AP4M1: variants seen among roughly 807,000 people sequenced by gnomAD.
AP4M1 encodes the protein AP-4 complex subunit mu-1.
In AP4M1, 58 loss-of-function variants were observed where a neutral mutation model predicts 62.4. That is an observed-to-expected ratio of 0.93 (90% CI 0.75 to 1.16). AP4M1 has a LOEUF of 1.16. Among genes scored for constraint, AP4M1 ranks in the 50% most tolerant of loss-of-function variants. AP4M1 has a pLI of 0.00. For synonymous variants in AP4M1, 290 were observed against 239.7 expected (o/e 1.21, Z -1.94); for missense variants, 626 against 585.4 (o/e 1.07, Z -0.72).
At chr7:100,100,878 T>G, upstream of AP4M1, 2 of 1,047,470 alleles carry the variant, frequency 1.9e-6, no homozygotes, top group Non-Finnish European at 1.2e-6. Context: ...TACGCGCGCC[T>G]GGGGAGGGCG....
chr7:100,108,216 T>C lies in AP4M1; in HGVS notation c.*1334T>C. The C allele has an allele frequency of 6.8e-7, 1 of 1,462,880 alleles. No homozygotes were observed. The highest frequency in any genetic ancestry group is 9.1e-7 in the Non-Finnish European group (1 of 1,097,522). 90.6% of individuals were successfully genotyped at this position (1,462,880 alleles called of 1,614,324 possible). A position where few individuals can be genotyped will look rare whatever the true frequency, so the allele number is the denominator to read the frequency against. On this transcript the variant is annotated 3_prime_UTR_variant, in exon 15 of 15. Coordinates refer to ENST00000359593, the MANE Select transcript of AP4M1 (RefSeq NM_004722.4). ...CTGGGCTCCCCTCGCTCTTCCTCAG[T>C]GGCTCTCACTAGGGCTGGGGCATCC...
Position 100,107,318 on chromosome 7 carries a change from G to A in AP4M1, c.*436G>A, listed in dbSNP as rs1796619915. 3.3e-6 allele frequency: 5 copies of A among 1,534,712 alleles called. No individual in the cohort carries two copies. In the South Asian group the frequency reaches 6.4e-5, roughly 20 times the overall value. On this transcript the variant is annotated 3_prime_UTR_variant, in exon 15 of 15. Coordinates refer to ENST00000359593, the MANE Select transcript of AP4M1 (RefSeq NM_004722.4). Reference sequence around the variant, plus strand: ...CTTTTGGAGTCCCTGGAGCTGGAGGGGGACTGTCCCCAGCCTCCTGCTTCC... The same window carrying A: ...CTTTTGGAGTCCCTGGAGCTGGAGGAGGACTGTCCCCAGCCTCCTGCTTCC...
chr7:100,101,195 C>G (rs546749583), upstream of AP4M1: 2 of 1,591,084 alleles, frequency 1.3e-6, no homozygotes, highest in Non-Finnish European at 1.7e-6. Context: ...AAGACCCCAG[C>G]TCACACCAAC....
chr7:100,107,076 C>T lies in AP4M1; in HGVS notation c.*194C>T. On this transcript the variant is annotated 3_prime_UTR_variant, in exon 15 of 15. Transcript: ENST00000359593. ...CAGGAAGGACTGCAGTGGATCAGAA[C>T]TTACAAACCAAACTTTTATTCTGAG... The T allele has an allele frequency of 3.9e-6, 5 of 1,265,918 alleles. No homozygotes were observed. Among genetic ancestry groups the T allele is most frequent in the Non-Finnish European group, 4.3e-6 (4 of 924,062 alleles). The allele number at this position is 1,265,918 out of a possible 1,614,324, so 78.4% of individuals were successfully genotyped here. A position where few individuals can be genotyped will look rare whatever the true frequency, so the allele number is the denominator to read the frequency against.
At chr7:100,104,264 TC>T in intron 7 of AP4M1, 110 bp downstream of exon 7, 1 of 961,362 alleles carries the variant, frequency 1.0e-6, no homozygotes, top group Non-Finnish European at 1.7e-6. Flanking sequence ...ATGCTTGTAA[TC>T]CCAGTGCTTT....
At position 100,108,599 on chromosome 7, in the gene AP4M1, G is replaced by A. The variant is rs1796829850; in HGVS notation, c.*1717G>A. On this transcript the variant is annotated 3_prime_UTR_variant, in exon 15 of 15. Transcript: ENST00000359593. The stretch of plus-strand genomic sequence containing the variant: ...GGCTGGGGAAAAAAGCCAGGTAGAG[G>A]GAGGGCTGGTGACACTCTTGAGAAG... 6.5e-7 allele frequency: 1 copy of A among 1,538,102 alleles called. No homozygotes were observed.
chr7:100,106,335 T>G (rs2293479), intron 13 of AP4M1, 44 bp downstream of exon 13: 7 of 1,612,310 alleles, frequency 4.3e-6, no homozygotes, highest in Non-Finnish European at 5.1e-6. Flanking sequence ...GGGGAGAGAG[T>G]GAGCTCAGCA....
chr7:100,103,336 A>G (rs1045227686), intron 4 of AP4M1, 73 bp from the exon 5 acceptor site: 126 of 1,297,896 alleles, frequency 9.7e-5, no homozygotes, highest in Non-Finnish European at 1.3e-4. Context: ...GTGAGTCACC[A>G]TGCCTGGCCC....
At chr7:100,105,741 G>A (rs543601342) in intron 11 of AP4M1, among the ~76,000 whole-genome samples, 12 of 151,564 alleles carry the variant, frequency 7.9e-5, no homozygotes, top group African/African-American at 2.7e-4. Flanking sequence ...GAGCCCAGGA[G>A]TTCCAGACCA....
chr7:100,104,415 T>G (rs781008134), intron 7 of AP4M1, among the ~76,000 whole-genome samples: 4 of 152,002 alleles, frequency 2.6e-5, no homozygotes, highest in Non-Finnish European at 5.9e-5. Context: ...TCCCAGCTAC[T>G]TGGGAGGCTG....
rs1474113344 is a variant in AP4M1, at chr7:100,107,033, TTTCTGTGGTATC to T, written c.*153_*164del. 6.1e-5 allele frequency: 75 copies of T among 1,219,572 alleles called. No homozygotes were observed. Among genetic ancestry groups the T allele is most frequent in the Non-Finnish European group, 8.1e-5 (70 of 861,152 alleles). 75.5% of individuals were successfully genotyped at this position (1,219,572 alleles called of 1,614,324 possible). On this transcript the variant is annotated 3_prime_UTR_variant, in exon 15 of 15. Transcript: ENST00000359593. ...CCAGGAGGGGGCAATGGGCCCAGCC[TTTCTGTGGTATC>T]TGATGCAGGAAGGACTGCAGTGGAT...
At chr7:100,105,218 G>GTC (rs748639289) in intron 9 of AP4M1, 22 bp from the exon 10 acceptor site, 35 of 1,593,992 alleles carry the variant, frequency 2.2e-5, no homozygotes, top group Admixed American at 6.7e-5. Flanking sequence ...CAGGAGAGAA[G>GTC]TCTCTCTCTC....
Position 100,106,528 on chromosome 7 carries a change from AC to A in AP4M1, c.1137+19del, listed in dbSNP as rs1796501435. ...GGCCTTTTCCAGGTATTCGCTGTGGACCCCCAGCCCCTCTCCTCCCACATTC... is the reference window on the plus strand; with the variant it reads ...GGCCTTTTCCAGGTATTCGCTGTGGACCCCAGCCCCTCTCCTCCCACATTC... On this transcript the variant is annotated intron_variant, in intron 14 of 14. Coordinates refer to ENST00000359593, the MANE Select transcript of AP4M1 (RefSeq NM_004722.4). 3 of 1,605,238 alleles carry A rather than the reference AC, an allele frequency of 1.9e-6. No homozygotes were observed. The highest frequency in any genetic ancestry group is 2.6e-6 in the Non-Finnish European group (3 of 1,174,234).
In AP4M1 at chr7:100,102,003, T is replaced by A. The variant is rs2293481; in HGVS notation, c.147+35T>A. ...GGCGGGAGGCGGGTGAGGAGCGGGG[T>A]CCCGTCGGGCCGGGTGGGCGCCAGC... On this transcript the variant is annotated intron_variant, in intron 2 of 14. Coordinates refer to ENST00000359593, the MANE Select transcript of AP4M1 (RefSeq NM_004722.4). 3 of 1,609,988 alleles carry A rather than the reference T, an allele frequency of 1.9e-6. No individual in the cohort carries two copies. In the South Asian group the frequency reaches 3.3e-5, roughly 18 times the overall value.
intron 6 of AP4M1, 81 bp downstream of exon 6, chr7:100,103,773 G>A (rs1015985617): frequency 8.8e-6 from 13 of 1,476,084 alleles, no homozygotes; most frequent in Middle Eastern, 2.4e-4. Flanking sequence ...CGGGCACAGC[G>A]GCTCACGCCT....
At position 100,102,038 on chromosome 7, in the gene AP4M1, G is replaced by A. The variant is rs533428194; in HGVS notation, c.147+70G>A. On this transcript the variant is annotated intron_variant, in intron 2 of 14. Transcript: ENST00000359593. ...CCGGGTGGGCGCCAGCTCCCTCCCA[G>A]GACTGGTTCATTGGTAGATTCCACT... 52 of 1,546,832 alleles carry A rather than the reference G, an allele frequency of 3.4e-5. No individual in the cohort carries two copies. In the East Asian group the frequency reaches 1.0e-3, roughly 31 times the overall value.
chr7:100,107,840 G>A lies in AP4M1; in HGVS notation c.*958G>A, dbSNP rs1313869473. 1.7e-5 allele frequency: 26 copies of A among 1,487,516 alleles called. No individual in the cohort carries two copies. The highest frequency in any genetic ancestry group is 4.6e-5 in the East Asian group (2 of 43,446). 92.1% of individuals were successfully genotyped at this position (1,487,516 alleles called of 1,614,324 possible). On this transcript the variant is annotated 3_prime_UTR_variant, in exon 15 of 15. Coordinates refer to ENST00000359593, the MANE Select transcript of AP4M1 (RefSeq NM_004722.4). Reference sequence around the variant, plus strand: ...AGCTCTTGACTTGGGGCCCAGAGGGGACTGTGCTCTACTCCTGGGCCTCCC... The same window carrying A: ...AGCTCTTGACTTGGGGCCCAGAGGGAACTGTGCTCTACTCCTGGGCCTCCC...
chr7:100,104,165 G>A lies in AP4M1; in HGVS notation c.606+11G>A, dbSNP rs1365156956. ...CTGATAGCATCTAATGTAAGTTTGAGCTCCCAAACCTGGAGCTGAGGACAG... is the reference window on the plus strand; with the variant it reads ...CTGATAGCATCTAATGTAAGTTTGAACTCCCAAACCTGGAGCTGAGGACAG... On this transcript the variant is annotated intron_variant, in intron 7 of 14. Coordinates refer to ENST00000359593, the MANE Select transcript of AP4M1 (RefSeq NM_004722.4). The A allele has an allele frequency of 6.2e-6, 10 of 1,613,198 alleles. No homozygotes were observed. Among genetic ancestry groups the A allele is most frequent in the East Asian group, 4.5e-5 (2 of 44,880 alleles).
chr7:100,102,704 C>T lies in AP4M1; in HGVS notation c.177C>T (p.Ile59=), dbSNP rs1250809258. 1.2e-6 allele frequency: 2 copies of T among 1,614,042 alleles called. No homozygotes were observed. Among genetic ancestry groups the T allele is most frequent in the African/African-American group, 1.3e-5 (1 of 74,922 alleles). ...ACCATGGCCGTCATTTCATTCACATCAGACACAGCGGCCTCTATTTGGTGG... is the reference window on the plus strand; with the variant it reads ...ACCATGGCCGTCATTTCATTCACATTAGACACAGCGGCCTCTATTTGGTGG... The part of the protein sequence containing the change: ...MHHHGRHFIH[I]RHSGLYLVVT... Residue 59 remains isoleucine, a synonymous_variant, in exon 3 of 15, where the codon ATC becomes ATT. Coordinates refer to ENST00000359593, the MANE Select transcript of AP4M1 (RefSeq NM_004722.4).
Sources: allele counts gnomAD v4.1 joint callset (sites outside exome capture counted in the v4.1 genomes callset), GRCh38; gene constraint gnomAD v4.1.1; transcripts MANE v1.5; gene names NCBI Gene and HGNC (gene_info 2026-07-23, HGNC 2026-07-21).